The following LRP2 variants were observed in gnomAD, a reference collection of about 807,000 sequenced individuals.
LRP2 encodes low-density lipoprotein receptor-related protein 2.
In LRP2, 172 loss-of-function variants were observed where a neutral mutation model predicts 531.0. The ratio of observed to expected loss-of-function variants is 0.32; its 90% CI spans 0.29 to 0.37. The LOEUF is 0.37. Ranked by LOEUF, LRP2 falls within the 10% of genes least tolerant of loss-of-function variation. LRP2 has a pLI of 1.00. For missense variants in LRP2, 5,167 were observed against 5,868.3 expected, an observed-to-expected ratio of 0.88 and a Z score of 3.90; for synonymous variants, 1,992 against 2,027.6, an observed-to-expected ratio of 0.98 and a Z score of 0.47.
At chr2:169,166,384 C>T (rs1686785085) in intron 61 of LRP2, among the ~76,000 whole-genome samples, 1 of 152,150 alleles carries the variant, frequency 6.6e-6, no homozygotes, top group South Asian at 2.1e-4. Flanking sequence ...GAGAGGAAGG[C>T]TTGGAAGAAA....
At chr2:169,139,696 A>G in intron 72 of LRP2, 86 bp from the exon 73 acceptor site, 1 of 1,117,508 alleles carries the variant, frequency 8.9e-7, no homozygotes, top group Non-Finnish European at 1.4e-6. Context: ...AAGTAGAGAG[A>G]GCTTTGACTG....
At chr2:169,190,340 C>T (rs10210408) in intron 48 of LRP2, among the ~76,000 whole-genome samples, 91,341 of 152,120 alleles carry the variant, frequency 0.6, 28,498 homozygotes, top group South Asian at 0.73. Context: ...TCACAAACTA[C>T]CACCTCTCAG....
intron 31 of LRP2, among the ~76,000 whole-genome samples, chr2:169,229,127 TA>T (rs950999207): frequency 3.9e-5 from 6 of 152,178 alleles, no homozygotes; most frequent in African/African-American, 1.4e-4. Flanking sequence ...TATGAGCCCT[TA>T]CAATTATGAC....
chr2:169,282,178 T>C (rs969700747), intron 10 of LRP2, among the ~76,000 whole-genome samples: 2 of 152,194 alleles, frequency 1.3e-5, no homozygotes, highest in African/African-American at 2.4e-5. Flanking sequence ...TCTTCAGTCA[T>C]GGGAGCAGTT....
rs934037121 is a variant in LRP2, at chr2:169,289,163, C to T, written c.923-18G>A. 1.1e-5 allele frequency: 17 copies of T among 1,613,768 alleles called. No homozygotes were observed. The highest frequency in any genetic ancestry group is 1.4e-5 in the Non-Finnish European group (17 of 1,179,776). On this transcript the variant is annotated intron_variant, in intron 8 of 78. Transcript: ENST00000649046. ...AGTCATACCTAAACGAAGAAAAGAA[C>T]TTTGTTAAATGAATGGTGACCTCTG...
intron 44 of LRP2, 44 bp from the exon 45 acceptor site, chr2:169,198,955 A>T (rs763548549): frequency 7.7e-5 from 123 of 1,595,974 alleles, no homozygotes; most frequent in Non-Finnish European, 2.7e-5. Flanking sequence ...ATATCCACCA[A>T]ATATGTATTA....
Position 169,330,852 on chromosome 2 carries a change from T to TA in LRP2, c.80-9969dup, listed in dbSNP as rs398042794. ...CTTAGCCCACATGAAAGAGATCATC[T>TA]AAAAAAAAAAAACATAATACATTCT... On this transcript the variant is annotated intron_variant, in intron 1 of 78. Coordinates refer to ENST00000649046, the MANE Select transcript of LRP2 (RefSeq NM_004525.3). Among the ~76,000 whole-genome samples, 498 of 143,566 alleles carry TA rather than the reference T, an allele frequency of 3.5e-3. 2 individuals carry two copies. The highest frequency in any genetic ancestry group is 8.0e-3 in the South Asian group (36 of 4,502). 94.2% of individuals were successfully genotyped at this position (143,566 alleles called of 152,430 possible).
At chr2:169,268,771 G>A (rs1049531970) in intron 16 of LRP2, among the ~76,000 whole-genome samples, 22 of 152,132 alleles carry the variant, frequency 1.4e-4, no homozygotes, top group Admixed American at 3.9e-4. Flanking sequence ...GTCAGGAGAA[G>A]GAAATAAAGG....
rs370061794 is a variant in LRP2 at position 169,311,505 on chromosome 2, C to A, written c.311-4108G>T. Among the ~76,000 whole-genome samples, 5 of 152,110 alleles carry A rather than the reference C, an allele frequency of 3.3e-5. 1 individual carries two copies. Among genetic ancestry groups the A allele is most frequent in the African/African-American group, 9.7e-5 (4 of 41,422 alleles). On this transcript the variant is annotated intron_variant, in intron 3 of 78. Coordinates refer to ENST00000649046, the MANE Select transcript of LRP2 (RefSeq NM_004525.3). ...GTTGTTCAGTTTCCATGTAGTTGAG[C>A]GGTTTTGAGTGAGTTTCTTAATCCT...
intron 62 of LRP2, among the ~76,000 whole-genome samples, chr2:169,165,111 G>GAAGT (rs1333594484): frequency 6.6e-6 from 1 of 152,198 alleles, no homozygotes; most frequent in East Asian, 1.9e-4. Context: ...ATGGGGGCTG[G>GAAGT]AAGTAAGCAT....
At chr2:169,167,117 C>T (rs1402080321) in intron 61 of LRP2, among the ~76,000 whole-genome samples, 2 of 152,200 alleles carry the variant, frequency 1.3e-5, no homozygotes, top group Non-Finnish European at 2.9e-5. Context: ...TTTTTACTAG[C>T]TATGGGCATT....
At chr2:169,332,368 C>T (rs938255136) in intron 1 of LRP2, among the ~76,000 whole-genome samples, 1 of 150,832 alleles carries the variant, frequency 6.6e-6, no homozygotes, top group Non-Finnish European at 1.5e-5. Context: ...TCTAAAGAAA[C>T]GAGAAGAGAG....
chr2:169,237,042 C>T, intron 28 of LRP2, 61 bp downstream of exon 28: 1 of 1,376,196 alleles, frequency 7.3e-7, no homozygotes, highest in Non-Finnish European at 1.0e-6. Flanking sequence ...CATCATGTTA[C>T]TGTTGTTTTT....
At chr2:169,267,109 C>CT (rs1683226889) in intron 16 of LRP2, among the ~76,000 whole-genome samples, 1 of 151,498 alleles carries the variant, frequency 6.6e-6, no homozygotes, top group African/African-American at 2.4e-5. Context: ...AGGCTGGTCT[C>CT]AAACTCCCGG....
At chr2:169,314,089 C>T (rs897996364) in intron 3 of LRP2, among the ~76,000 whole-genome samples, 1 of 152,146 alleles carries the variant, frequency 6.6e-6, no homozygotes, top group Non-Finnish European at 1.5e-5. Flanking sequence ...CAAAACTTAA[C>T]ATGAAAAACC....
At chr2:169,169,587 C>G (rs541343032) in intron 60 of LRP2, 115 bp downstream of exon 60, 1 of 821,140 alleles carries the variant, frequency 1.2e-6, no homozygotes, top group African/African-American at 1.7e-5. Flanking sequence ...TCAGTGCATG[C>G]TGAACAGACA....
chr2:169,136,624 C>A (rs1685521493), intron 76 of LRP2, among the ~76,000 whole-genome samples: 1 of 148,638 alleles, frequency 6.7e-6, no homozygotes, highest in Admixed American at 6.7e-5. Context: ...AAAACTCCCC[C>A]CCACTGAGCA....
intron 25 of LRP2, among the ~76,000 whole-genome samples, chr2:169,240,198 G>GA (rs1276675519): frequency 6.6e-6 from 1 of 152,150 alleles, no homozygotes; most frequent in African/African-American, 2.4e-5. Context: ...GAAAAGACCA[G>GA]AAAATCTATG....
intron 3 of LRP2, among the ~76,000 whole-genome samples, chr2:169,310,883 G>C (rs540297806): frequency 1.3e-5 from 2 of 152,170 alleles, no homozygotes; most frequent in Non-Finnish European, 2.9e-5. Context: ...TTCAGAGCCT[G>C]TTATTGGACT....
Sources: allele counts gnomAD v4.1 joint callset (sites outside exome capture counted in the v4.1 genomes callset), GRCh38; gene constraint gnomAD v4.1.1; transcripts MANE v1.5; gene names NCBI Gene and HGNC (gene_info 2026-07-23, HGNC 2026-07-21).